ATP8B1: variants seen among roughly 807,000 people sequenced by gnomAD.
ATP8B1 encodes the protein phospholipid-transporting ATPase IC.
ATP8B1 carries 80 observed loss-of-function variants against 149.9 expected under a neutral mutation model. The ratio of observed to expected loss-of-function variants is 0.53; its 90% CI spans 0.45 to 0.64. The LOEUF (loss-of-function observed/expected upper bound fraction) is 0.64. Ranked by LOEUF, ATP8B1 falls within the 30% of genes least tolerant of loss-of-function variation. ATP8B1 has a pLI of 0.00. For synonymous variants in ATP8B1, 536 were observed against 562.8 expected (o/e 0.95, Z 0.67); for missense variants, 1,247 against 1,552.6 (o/e 0.80, Z 3.31).
At chr18:57,783,331 C>T (rs2080374897) in intron 1 of ATP8B1, among the ~76,000 whole-genome samples, 1 of 152,192 alleles carries the variant, frequency 6.6e-6, no homozygotes, top group African/African-American at 2.4e-5. Flanking sequence ...AAAGTTCTAA[C>T]ATGCTTACTG....
At chr18:57,716,764 G>A (rs1453535252) in intron 2 of ATP8B1, among the ~76,000 whole-genome samples, 3 of 152,128 alleles carry the variant, frequency 2.0e-5, no homozygotes, top group African/African-American at 7.2e-5. Flanking sequence ...TTTCAGCACT[G>A]GACAGATCTT....
intron 1 of ATP8B1, among the ~76,000 whole-genome samples, chr18:57,765,726 G>A (rs4399621): frequency 0.44 from 65,682 of 150,600 alleles, 14,665 homozygotes; most frequent in African/African-American, 0.53. Context: ...CCTGTAATCC[G>A]AGCACTTTGG....
intron 3 of ATP8B1, among the ~76,000 whole-genome samples, chr18:57,706,246 T>G (rs984062061): frequency 6.6e-6 from 1 of 152,166 alleles, no homozygotes; most frequent in African/African-American, 2.4e-5. Context: ...CTAAGAGAGC[T>G]TAAAATTTAA....
chr18:57,693,863 T>C (rs1002452749), intron 11 of ATP8B1, among the ~76,000 whole-genome samples: 5 of 152,182 alleles, frequency 3.3e-5, no homozygotes, highest in Non-Finnish European at 5.9e-5. Flanking sequence ...TTCCCTGGTA[T>C]AGACAACATT....
At chr18:57,780,777 C>A (rs1341817446) in intron 1 of ATP8B1, among the ~76,000 whole-genome samples, 1 of 152,090 alleles carries the variant, frequency 6.6e-6, no homozygotes, top group Non-Finnish European at 1.5e-5. Context: ...ACAGTTTCAC[C>A]CCAACAGAAG....
chr18:57,712,071 C>T (rs934420447), intron 2 of ATP8B1, among the ~76,000 whole-genome samples: 4 of 134,834 alleles, frequency 3.0e-5, no homozygotes, highest in Non-Finnish European at 6.4e-5. Flanking sequence ...ATATATATGG[C>T]GAATATGGAG....
intron 13 of ATP8B1, among the ~76,000 whole-genome samples, chr18:57,685,415 G>A (rs1459637872): frequency 6.6e-6 from 1 of 152,076 alleles, no homozygotes; most frequent in Non-Finnish European, 1.5e-5. Flanking sequence ...CAGCCCCTCA[G>A]TGCCCTACCA....
chr18:57,796,403 C>A (rs1364900923), intron 1 of ATP8B1, among the ~76,000 whole-genome samples: 1 of 152,020 alleles, frequency 6.6e-6, no homozygotes, highest in Non-Finnish European at 1.5e-5. Context: ...CCCAACTACT[C>A]GGGAGACTAA....
intron 2 of ATP8B1, among the ~76,000 whole-genome samples, chr18:57,716,385 C>G (rs1360957726): frequency 6.6e-6 from 1 of 150,684 alleles, no homozygotes; most frequent in Non-Finnish European, 1.5e-5. Context: ...GCTAAACTGT[C>G]AATCAAAAGA....
In ATP8B1 at chr18:57,677,952, GA is replaced by G. The variant is rs575991294; in HGVS notation, c.1631-2931del. Among the ~76,000 whole-genome samples, 334 of 150,880 alleles carry G rather than the reference GA, an allele frequency of 2.2e-3. 3 individuals carry two copies. Among genetic ancestry groups the G allele is most frequent in the African/African-American group, 7.7e-3 (318 of 41,232 alleles). On this transcript the variant is annotated intron_variant, in intron 15 of 27. Transcript: ENST00000648908. ...ACACCTTGATATTTTTATCATTAAA[GA>G]AAAAAAAATGTTTTCCATTACCTTC...
chr18:57,756,305 A>ATATATATG (rs1555653791), intron 1 of ATP8B1, among the ~76,000 whole-genome samples: 6,047 of 106,044 alleles, frequency 0.057, 1,067 homozygotes, highest in African/African-American at 0.19. Flanking sequence ...GTGTATGTAT[A>ATATATATG]TATATATATA....
intron 1 of ATP8B1, among the ~76,000 whole-genome samples, chr18:57,765,677 A>G (rs2080205182): frequency 6.6e-6 from 1 of 151,740 alleles, no homozygotes; most frequent in South Asian, 2.1e-4. Flanking sequence ...TCAAAAGAAA[A>G]AAAAAAAAAA....
At chr18:57,769,535 T>C (rs932215757) in intron 1 of ATP8B1, among the ~76,000 whole-genome samples, 15 of 152,194 alleles carry the variant, frequency 9.9e-5, no homozygotes, top group Non-Finnish European at 1.9e-4. Flanking sequence ...AAGAAACTGC[T>C]AGTACTTCAT....
chr18:57,701,155 G>T (rs1913100158), intron 5 of ATP8B1, 55 bp from the exon 6 acceptor site: 1 of 1,611,162 alleles, frequency 6.2e-7, no homozygotes, highest in African/African-American at 1.3e-5. Flanking sequence ...GAGAAGGAAG[G>T]CACGAGAACT....
chr18:57,774,536 C>T (rs566485486), intron 1 of ATP8B1, among the ~76,000 whole-genome samples: 20 of 152,312 alleles, frequency 1.3e-4, no homozygotes, highest in Admixed American at 6.5e-5. Flanking sequence ...GCGGAGGTTG[C>T]AGTGAGCTGA....
At position 57,648,394 on chromosome 18, in the gene ATP8B1, T is replaced by C. The variant is rs1909319255; in HGVS notation, c.*94A>G. The C allele has an allele frequency of 1.5e-6, 2 of 1,347,012 alleles. No homozygotes were observed. Among genetic ancestry groups the C allele is most frequent in the African/African-American group, 2.9e-5 (2 of 69,604 alleles). The allele number at this position is 1,347,012 out of a possible 1,614,324, so 83.4% of individuals were successfully genotyped here. A position where few individuals can be genotyped will look rare whatever the true frequency, so the allele number is the denominator to read the frequency against. Reference sequence around the variant, plus strand: ...TTTATTGTCTTCAATATCTTTGTGATGAATGCAATTCACACACACACACAA... The same window carrying C: ...TTTATTGTCTTCAATATCTTTGTGACGAATGCAATTCACACACACACACAA... On this transcript the variant is annotated 3_prime_UTR_variant, in exon 28 of 28. Transcript: ENST00000648908.
chr18:57,697,992 C>T (rs1912909015), intron 6 of ATP8B1, 125 bp from the exon 7 acceptor site: 1 of 883,206 alleles, frequency 1.1e-6, no homozygotes, highest in Non-Finnish European at 1.8e-6. Context: ...TAAAATTTTG[C>T]TCTTTAATGG....
At chr18:57,760,537 C>T (rs1449390079) in intron 1 of ATP8B1, among the ~76,000 whole-genome samples, 1 of 152,162 alleles carries the variant, frequency 6.6e-6, no homozygotes, top group Non-Finnish European at 1.5e-5. Context: ...GTGGCTTCCA[C>T]AAGATCCAGC....
intron 1 of ATP8B1, among the ~76,000 whole-genome samples, chr18:57,791,104 T>C (rs1052757105): frequency 2.0e-5 from 3 of 152,166 alleles, no homozygotes; most frequent in Non-Finnish European, 4.4e-5. Context: ...TTTTTCATCT[T>C]CCCAAACTGA....
Sources: allele counts gnomAD v4.1 joint callset (sites outside exome capture counted in the v4.1 genomes callset), GRCh38; gene constraint gnomAD v4.1.1; transcripts MANE v1.5; gene names NCBI Gene and HGNC (gene_info 2026-07-23, HGNC 2026-07-21).